Variants in CNTNAP5 observed in about 807,000 individuals in gnomAD.
CNTNAP5 encodes contactin associated protein family member 5.
In CNTNAP5, 72 loss-of-function variants were observed where a neutral mutation model predicts 150.2. That is an observed-to-expected ratio of 0.48 (90% confidence interval 0.40 to 0.58). CNTNAP5 has a LOEUF of 0.58. Among genes scored for constraint, CNTNAP5 ranks in the 20% least tolerant of loss-of-function variants. The probability of loss-of-function intolerance (pLI) is 0.00; values close to 1 mark genes in which losing one functional copy is unlikely to be tolerated. For synonymous variants in CNTNAP5, 672 were observed against 619.8 expected (o/e 1.08, Z -1.25); for missense variants, 1,636 against 1,626.2 (o/e 1.01, Z -0.10).
intron 20 of CNTNAP5, among the ~76,000 whole-genome samples, chr2:124,866,117 G>A (rs1677627083): frequency 6.6e-6 from 1 of 151,922 alleles, no homozygotes; most frequent in Admixed American, 6.6e-5. Flanking sequence ...ACAAAAATTA[G>A]CCAGGTGTGG....
At chr2:124,807,414 A>G (rs1432952784) in intron 19 of CNTNAP5, among the ~76,000 whole-genome samples, 1 of 152,196 alleles carries the variant, frequency 6.6e-6, no homozygotes, top group Non-Finnish European at 1.5e-5. Context: ...TCTTTCAGCT[A>G]GAAAATATTT....
intron 3 of CNTNAP5, among the ~76,000 whole-genome samples, chr2:124,264,397 C>T (rs55889680): frequency 0.17 from 15,937 of 96,276 alleles, 823 homozygotes; most frequent in Middle Eastern, 0.31. Flanking sequence ...CATACACACA[C>T]ACACACACAC....
At chr2:124,441,316 T>G (rs1322415187) in intron 5 of CNTNAP5, among the ~76,000 whole-genome samples, 1 of 152,056 alleles carries the variant, frequency 6.6e-6, no homozygotes, top group Non-Finnish European at 1.5e-5. Context: ...GAGGATTGTG[T>G]TTTTAATGAA....
intron 3 of CNTNAP5, among the ~76,000 whole-genome samples, chr2:124,313,259 G>C (rs1353800484): frequency 6.6e-6 from 1 of 152,086 alleles, no homozygotes; most frequent in African/African-American, 2.4e-5. Flanking sequence ...GGTTAGATTT[G>C]TTTTGTTTTG....
intron 4 of CNTNAP5, among the ~76,000 whole-genome samples, chr2:124,424,865 T>G (rs1376572124): frequency 1.3e-5 from 2 of 152,208 alleles, no homozygotes; most frequent in African/African-American, 2.4e-5. Flanking sequence ...AACCAAGTCT[T>G]TGGCAAGGCT....
intron 1 of CNTNAP5, among the ~76,000 whole-genome samples, chr2:124,116,375 C>G (rs754025067): frequency 6.6e-6 from 1 of 152,136 alleles, no homozygotes; most frequent in Non-Finnish European, 1.5e-5. Context: ...AGAAGGGTAT[C>G]GGGTAAAACT....
chr2:124,110,698 A>C (rs1683273856), intron 1 of CNTNAP5, among the ~76,000 whole-genome samples: 1 of 152,184 alleles, frequency 6.6e-6, no homozygotes, highest in Non-Finnish European at 1.5e-5. Context: ...CAAGTAGCTT[A>C]GGTAGTTTCC....
intron 1 of CNTNAP5, among the ~76,000 whole-genome samples, chr2:124,048,292 C>T (rs1187291147): frequency 1.3e-5 from 2 of 152,130 alleles, no homozygotes; most frequent in East Asian, 1.9e-4. Context: ...CTTGAGTAAC[C>T]TCTTAACTAT....
chr2:124,546,607 G>A (rs1695516578), intron 10 of CNTNAP5, among the ~76,000 whole-genome samples: 1 of 152,296 alleles, frequency 6.6e-6, no homozygotes, highest in Admixed American at 6.5e-5. Context: ...ACTCTGGGAG[G>A]TAGTTGGTAG....
intron 18 of CNTNAP5, among the ~76,000 whole-genome samples, chr2:124,792,409 G>A (rs2104635321): frequency 6.6e-6 from 1 of 152,134 alleles, no homozygotes; most frequent in African/African-American, 2.4e-5. Flanking sequence ...CTTGTTTTTG[G>A]TTCATTTTTT....
intron 11 of CNTNAP5, among the ~76,000 whole-genome samples, chr2:124,566,167 C>T (rs1201704397): frequency 4.6e-5 from 7 of 152,018 alleles, no homozygotes; most frequent in Non-Finnish European, 7.4e-5. Context: ...CAGATTGTAA[C>T]GTCAGTGCTG....
intron 13 of CNTNAP5, among the ~76,000 whole-genome samples, chr2:124,703,109 TCCTCCCTCCCTCCCTCCCTGTCTCCCTCC>T (rs1679556934): frequency 7.0e-6 from 1 of 143,174 alleles, no homozygotes; most frequent in African/African-American, 2.7e-5. Flanking sequence ...CTTCCTTCCT[TCCTCCCTCCCTCCCTCCCTGTCTCCCTCC>T]CTCCCTTCTT....
At chr2:124,341,166 T>C (rs986367833) in intron 3 of CNTNAP5, among the ~76,000 whole-genome samples, 2 of 152,076 alleles carry the variant, frequency 1.3e-5, no homozygotes, top group Non-Finnish European at 2.9e-5. Context: ...GTCTGGTTAT[T>C]TAAATAAAAC....
intron 3 of CNTNAP5, among the ~76,000 whole-genome samples, chr2:124,410,331 G>T (rs1200603950): frequency 5.3e-5 from 8 of 151,428 alleles, no homozygotes; most frequent in African/African-American, 1.9e-4. Flanking sequence ...GAGACAGAAA[G>T]TCAACAAGGA....
intron 1 of CNTNAP5, among the ~76,000 whole-genome samples, chr2:124,147,548 C>CAG (rs542942499): frequency 2.6e-3 from 403 of 152,338 alleles, no homozygotes; most frequent in Non-Finnish European, 3.5e-3. Context: ...GTAAGACACA[C>CAG]AGAGGTTGAG....
intron 13 of CNTNAP5, among the ~76,000 whole-genome samples, chr2:124,657,414 C>G (rs1460960115): frequency 3.3e-5 from 5 of 152,020 alleles, no homozygotes; most frequent in Admixed American, 1.3e-4. Context: ...CTCCATTCCC[C>G]ATTCAGTATA....
intron 12 of CNTNAP5, among the ~76,000 whole-genome samples, chr2:124,642,086 G>A (rs1339483585): frequency 1.3e-5 from 2 of 152,160 alleles, no homozygotes; most frequent in Non-Finnish European, 2.9e-5. Flanking sequence ...AACTGTTTAC[G>A]GCTTCCAAAA....
intron 13 of CNTNAP5, among the ~76,000 whole-genome samples, chr2:124,742,853 C>T (rs1318429636): frequency 6.6e-6 from 1 of 152,042 alleles, no homozygotes; most frequent in Non-Finnish European, 1.5e-5. Context: ...AGTCTCCCAT[C>T]AGGTCCCAGT....
chr2:124,301,594 G>A (rs1008004828), intron 3 of CNTNAP5, among the ~76,000 whole-genome samples: 4 of 152,140 alleles, frequency 2.6e-5, no homozygotes, highest in Non-Finnish European at 5.9e-5. Flanking sequence ...AAGAAAGCAG[G>A]ACACACTCAT....
Sources: gnomAD v4.1 joint callset for allele counts (sites outside exome capture counted in the v4.1 genomes callset) on GRCh38, gnomAD v4.1.1 for gene constraint, MANE v1.5 for transcripts, NCBI Gene and HGNC (gene_info 2026-07-23, HGNC 2026-07-21) for gene names.